ZNF385D: variants seen among roughly 807,000 people sequenced by gnomAD.
The protein encoded by ZNF385D is zinc finger protein 659.
In ZNF385D, 15 loss-of-function variants were observed where a neutral mutation model predicts 35.8. That is an observed-to-expected ratio of 0.42 (90% CI 0.28 to 0.64). The LOEUF is 0.64. Among genes scored for constraint, ZNF385D ranks in the 30% least tolerant of loss-of-function variants. ZNF385D has a pLI of 0.23. For synonymous variants in ZNF385D, 212 were observed against 186.8 expected (o/e 1.13, Z -1.10); for missense variants, 474 against 494.6 (o/e 0.96, Z 0.39).
intron 3 of ZNF385D, among the ~76,000 whole-genome samples, chr3:21,943,189 G>C (rs890988650): frequency 6.6e-6 from 1 of 151,816 alleles, no homozygotes; most frequent in African/African-American, 2.4e-5. Context: ...AGCTTATAGT[G>C]AAAAAAGGCA....
intron 3 of ZNF385D, among the ~76,000 whole-genome samples, chr3:22,167,897 C>G (rs994276307): frequency 6.6e-6 from 1 of 152,076 alleles, no homozygotes; most frequent in Non-Finnish European, 1.5e-5. Flanking sequence ...TTCATTCATA[C>G]TAAAATCAAA....
At chr3:22,364,866 G>A (rs1275695373) in intron 2 of ZNF385D, among the ~76,000 whole-genome samples, 4 of 152,032 alleles carry the variant, frequency 2.6e-5, no homozygotes, top group Non-Finnish European at 5.9e-5. Flanking sequence ...ATGGACAGTT[G>A]ACAAGAAATG....
chr3:21,913,828 G>C (rs931769874), intron 3 of ZNF385D, among the ~76,000 whole-genome samples: 7 of 152,018 alleles, frequency 4.6e-5, no homozygotes, highest in Non-Finnish European at 7.4e-5. Flanking sequence ...ATAGATCCAT[G>C]CCTCATAATG....
intron 3 of ZNF385D, among the ~76,000 whole-genome samples, chr3:22,016,947 C>A: frequency 6.7e-6 from 1 of 149,852 alleles, no homozygotes; most frequent in South Asian, 2.1e-4. Context: ...CACACACACA[C>A]ACACACACAA....
intron 2 of ZNF385D, among the ~76,000 whole-genome samples, chr3:21,602,492 T>C (rs1321152321): frequency 2.0e-5 from 3 of 150,346 alleles, no homozygotes; most frequent in African/African-American, 7.4e-5. Context: ...GAGTAGAATT[T>C]AGGTCTCCTG....
At chr3:22,125,891 C>T (rs112112245) in intron 3 of ZNF385D, among the ~76,000 whole-genome samples, 3 of 152,060 alleles carry the variant, frequency 2.0e-5, no homozygotes, top group African/African-American at 7.2e-5. Flanking sequence ...CGTTTACAAC[C>T]TGGATGTCTC....
intron 3 of ZNF385D, among the ~76,000 whole-genome samples, chr3:22,057,045 A>C (rs1479547627): frequency 6.6e-6 from 1 of 152,228 alleles, no homozygotes; most frequent in African/African-American, 2.4e-5. Flanking sequence ...TGAGAAGTAA[A>C]ACAGATAAAC....
chr3:22,028,252 T>C (rs1329969259), intron 3 of ZNF385D, among the ~76,000 whole-genome samples: 1 of 152,122 alleles, frequency 6.6e-6, no homozygotes, highest in East Asian at 1.9e-4. Context: ...CAGAAGAGAA[T>C]TTTAATAATC....
In ZNF385D at chr3:21,761,869, C is replaced by CT. The variant is rs58790934; in HGVS notation, c.326-96842dup. ...TTATGATTTCAAGAGCATTTTCTTC[C>CT]TTTTTTTTTTTTTTTTTTTTTTTTT... On this transcript the variant is annotated intron_variant, in intron 3 of 5. Transcript: ENST00000494108. Among the ~76,000 whole-genome samples, 649 of 77,226 alleles carry CT rather than the reference C, an allele frequency of 8.4e-3. 75 individuals carry two copies. The highest frequency in any genetic ancestry group is 0.022 in the African/African-American group (396 of 17,834). 50.7% of individuals were successfully genotyped at this position (77,226 alleles called of 152,430 possible).
At chr3:21,652,540 T>G (rs1211029781) in intron 2 of ZNF385D, among the ~76,000 whole-genome samples, 3 of 152,162 alleles carry the variant, frequency 2.0e-5, no homozygotes, top group Non-Finnish European at 4.4e-5. Flanking sequence ...TTGTTACATA[T>G]GTATACATGT....
chr3:21,983,167 A>ATTAT (rs1694599528), intron 3 of ZNF385D, among the ~76,000 whole-genome samples: 2 of 106,106 alleles, frequency 1.9e-5, no homozygotes, highest in African/African-American at 4.8e-5. Context: ...TTATTTTATT[A>ATTAT]TTTTTTTTTA....
chr3:22,230,497 C>G (rs1312257931), intron 2 of ZNF385D, among the ~76,000 whole-genome samples: 3 of 152,124 alleles, frequency 2.0e-5, no homozygotes. Context: ...AAGGATTCCA[C>G]TCCAAGGTCA....
intron 3 of ZNF385D, among the ~76,000 whole-genome samples, chr3:22,146,280 T>C (rs1370856470): frequency 6.6e-6 from 1 of 152,170 alleles, no homozygotes; most frequent in Non-Finnish European, 1.5e-5. Flanking sequence ...TTAATAGCTA[T>C]AGTTAGAATA....
chr3:21,882,986 C>T (rs1698355787), intron 3 of ZNF385D, among the ~76,000 whole-genome samples: 1 of 151,970 alleles, frequency 6.6e-6, no homozygotes, highest in Non-Finnish European at 1.5e-5. Flanking sequence ...TGACTCCTCA[C>T]TATTGAACAA....
chr3:21,738,042 C>T (rs897347851), intron 1 of ZNF385D, among the ~76,000 whole-genome samples: 2 of 152,202 alleles, frequency 1.3e-5, no homozygotes, highest in Admixed American at 1.3e-4. Context: ...ATCTCCAGCC[C>T]TGTGCAGACT....
At chr3:22,325,609 C>G (rs6787220) in intron 2 of ZNF385D, among the ~76,000 whole-genome samples, 4 of 151,746 alleles carry the variant, frequency 2.6e-5, no homozygotes, top group Non-Finnish European at 5.9e-5. Flanking sequence ...AATTATAAAA[C>G]TCAGCCGGGC....
chr3:22,220,899 C>T lies in ZNF385D; in HGVS notation c.107-51864G>A, dbSNP rs538800180. Among the ~76,000 whole-genome samples, 3 of 152,274 alleles carry T rather than the reference C, an allele frequency of 2.0e-5. 1 individual carries two copies. Among genetic ancestry groups the T allele is most frequent in the South Asian group, 4.1e-4 (2 of 4,828 alleles). ...CAAAAGTATGATATACTTATATTCC[C>T]TAAAGACTTTACCTGAAAAATGCTT... On this transcript the variant is annotated intron_variant, in intron 2 of 5. Coordinates refer to the ZNF385D transcript ENST00000494108.
intron 2 of ZNF385D, among the ~76,000 whole-genome samples, chr3:22,177,829 C>T (rs145644226): frequency 0.022 from 3,393 of 152,152 alleles, 134 homozygotes; most frequent in African/African-American, 0.077. Flanking sequence ...TGAGAACATA[C>T]GGTGGTTGGT....
At chr3:22,173,113 T>A (rs1355848387) in intron 2 of ZNF385D, among the ~76,000 whole-genome samples, 1 of 152,096 alleles carries the variant, frequency 6.6e-6, no homozygotes, top group Non-Finnish European at 1.5e-5. Context: ...AAACACAAAC[T>A]AAGGAACAGT....
Sources: gnomAD v4.1 joint callset for allele counts (sites outside exome capture counted in the v4.1 genomes callset) on GRCh38, gnomAD v4.1.1 for gene constraint, MANE v1.5 for transcripts, NCBI Gene and HGNC (gene_info 2026-07-23, HGNC 2026-07-21) for gene names.